The following MICU2 variants were observed in gnomAD, a reference collection of about 807,000 sequenced individuals.
The protein encoded by MICU2 is mitochondrial calcium uptake 2, also known as calcium uptake protein 2, mitochondrial.
MICU2 carries 64 observed loss-of-function variants against 60.4 expected under a neutral mutation model. The ratio of observed to expected loss-of-function variants is 1.06; its 90% CI spans 0.87 to 1.31. The LOEUF is 1.31. Ranked by LOEUF, MICU2 falls within the 50% of genes most tolerant of loss-of-function variation. The probability of loss-of-function intolerance (pLI) is 0.00; values close to 1 mark genes in which losing one functional copy is unlikely to be tolerated. For missense variants in MICU2, 569 were observed against 531.0 expected, an observed-to-expected ratio of 1.07 and a Z score of -0.70; for synonymous variants, 201 against 175.0, an observed-to-expected ratio of 1.15 and a Z score of -1.17.
At chr13:21,589,555 T>A (rs1309961133) in intron 1 of MICU2, among the ~76,000 whole-genome samples, 3 of 152,248 alleles carry the variant, frequency 2.0e-5, no homozygotes. Context: ...AGAATCAATA[T>A]GTCAGTATGT....
intron 6 of MICU2, among the ~76,000 whole-genome samples, chr13:21,515,167 C>T (rs893393720): frequency 6.6e-6 from 1 of 150,698 alleles, no homozygotes; most frequent in African/African-American, 2.5e-5. Context: ...CTGCAAGCTC[C>T]GCCTCCCGGG....
chr13:21,532,234 CT>C (rs889843552), intron 4 of MICU2, among the ~76,000 whole-genome samples: 2 of 152,236 alleles, frequency 1.3e-5, no homozygotes, highest in Non-Finnish European at 2.9e-5. Flanking sequence ...CTTCAAATCT[CT>C]TTACGTTCAA....
intron 2 of MICU2, among the ~76,000 whole-genome samples, chr13:21,555,110 A>T (rs1308754617): frequency 6.6e-6 from 1 of 152,196 alleles, no homozygotes; most frequent in African/African-American, 2.4e-5. Context: ...AGCTGATACC[A>T]TTCCTTCTGA....
intron 1 of MICU2, among the ~76,000 whole-genome samples, chr13:21,589,731 G>C (rs773471406): frequency 6.6e-6 from 1 of 152,130 alleles, no homozygotes; most frequent in African/African-American, 2.4e-5. Flanking sequence ...CTGACTTCAT[G>C]ATTCTGATCA....
At chr13:21,550,957 G>T (rs1446907608) in intron 2 of MICU2, among the ~76,000 whole-genome samples, 1 of 152,030 alleles carries the variant, frequency 6.6e-6, no homozygotes. Context: ...ATACAATAAT[G>T]CCCATTCTTT....
At chr13:21,545,488 C>T (rs1176940844) in intron 2 of MICU2, among the ~76,000 whole-genome samples, 1 of 152,138 alleles carries the variant, frequency 6.6e-6, no homozygotes, top group Non-Finnish European at 1.5e-5. Flanking sequence ...CGAGACCAGC[C>T]TGACCAGCGT....
intron 1 of MICU2, among the ~76,000 whole-genome samples, chr13:21,567,692 G>C (rs577893319): frequency 1.3e-5 from 2 of 152,188 alleles, no homozygotes; most frequent in Non-Finnish European, 2.9e-5. Context: ...CTAATGAAGA[G>C]AGTGCTGAAA....
At chr13:21,567,567 G>C (rs1052796986) in intron 1 of MICU2, among the ~76,000 whole-genome samples, 1 of 152,226 alleles carries the variant, frequency 6.6e-6, no homozygotes, top group African/African-American at 2.4e-5. Flanking sequence ...AGAAATGTGA[G>C]AGAACCATGG....
intron 2 of MICU2, among the ~76,000 whole-genome samples, chr13:21,557,105 T>C (rs903532132): frequency 6.6e-5 from 10 of 152,280 alleles, no homozygotes; most frequent in African/African-American, 2.4e-4. Flanking sequence ...GATGGGATAG[T>C]TGAGACTAGA....
intron 4 of MICU2, among the ~76,000 whole-genome samples, chr13:21,537,359 T>G (rs889442096): frequency 2.0e-5 from 3 of 152,204 alleles, no homozygotes; most frequent in Non-Finnish European, 2.9e-5. Context: ...CTTGAAGGAT[T>G]CCCAGAAGTC....
At chr13:21,560,748 A>G (rs1476202865) in intron 2 of MICU2, among the ~76,000 whole-genome samples, 1 of 152,210 alleles carries the variant, frequency 6.6e-6, no homozygotes, top group African/African-American at 2.4e-5. Context: ...AACAGGCCCA[A>G]TTATGCTTGT....
intron 4 of MICU2, among the ~76,000 whole-genome samples, chr13:21,533,819 G>A (rs1365716629): frequency 6.6e-6 from 1 of 152,130 alleles, no homozygotes; most frequent in Non-Finnish European, 1.5e-5. Flanking sequence ...TACTACAGTT[G>A]CAGGTCATTA....
intron 2 of MICU2, among the ~76,000 whole-genome samples, chr13:21,557,262 A>G (rs767709538): frequency 2.0e-5 from 3 of 152,340 alleles, no homozygotes; most frequent in Admixed American, 6.5e-5. Flanking sequence ...TGGGAAGTGA[A>G]TAAGAATGAA....
chr13:21,601,466 G>A (rs1190341936), intron 1 of MICU2, among the ~76,000 whole-genome samples: 1 of 152,168 alleles, frequency 6.6e-6, no homozygotes, highest in African/African-American at 2.4e-5. Context: ...CTTATAAAAC[G>A]ATTGATAATA....
At chr13:21,589,171 C>T (rs542759621) in intron 1 of MICU2, among the ~76,000 whole-genome samples, 2 of 152,310 alleles carry the variant, frequency 1.3e-5, no homozygotes, top group South Asian at 4.1e-4. Flanking sequence ...CAAGGTCTGA[C>T]TTCTCTACCC....
intron 4 of MICU2, among the ~76,000 whole-genome samples, chr13:21,529,222 A>G (rs1342792915): frequency 2.0e-5 from 3 of 152,184 alleles, no homozygotes; most frequent in Admixed American, 6.5e-5. Context: ...AGGGGCAAAG[A>G]GAGAGAGAAA....
chr13:21,512,243 T>C (rs1886448928), intron 7 of MICU2, among the ~76,000 whole-genome samples: 1 of 152,240 alleles, frequency 6.6e-6, no homozygotes, highest in South Asian at 2.1e-4. Context: ...TGTTTTTGCC[T>C]ATTTTCTTTG....
chr13:21,535,481 T>C (rs1887109285), intron 4 of MICU2, among the ~76,000 whole-genome samples: 1 of 152,204 alleles, frequency 6.6e-6, no homozygotes, highest in South Asian at 2.1e-4. Context: ...CTGATCTAAA[T>C]ATTGGTACTT....
At chr13:21,573,618 G>A (rs1330804308) in intron 1 of MICU2, among the ~76,000 whole-genome samples, 2 of 152,008 alleles carry the variant, frequency 1.3e-5, no homozygotes, top group Admixed American at 1.3e-4. Flanking sequence ...CAATCCTAGA[G>A]GACCTCAGGG....
Sources: gnomAD v4.1 joint callset for allele counts (sites outside exome capture counted in the v4.1 genomes callset) on GRCh38, gnomAD v4.1.1 for gene constraint, MANE v1.5 for transcripts, NCBI Gene and HGNC (gene_info 2026-07-23, HGNC 2026-07-21) for gene names.